TRIP4: variants seen among roughly 807,000 people sequenced by gnomAD.
The protein encoded by TRIP4 is thyroid hormone receptor interactor 4, also known as activating signal cointegrator 1.
TRIP4 carries 54 observed loss-of-function variants against 81.8 expected under a neutral mutation model. The observed-to-expected ratio is 0.66, with a 90% CI of 0.53 to 0.83. TRIP4 has a LOEUF of 0.83. TRIP4 is among the 40% of genes least tolerant of loss of function. The pLI is 0.00. For synonymous variants in TRIP4, 270 were observed against 242.8 expected, an observed-to-expected ratio of 1.11 and a Z score of -1.04; for missense variants, 662 against 683.6, an observed-to-expected ratio of 0.97 and a Z score of 0.35.
At chr15:64,414,018 G>A (rs1417261743) in intron 7 of TRIP4, 67 bp from the exon 8 acceptor site, 1 of 1,560,238 alleles carries the variant, frequency 6.4e-7, no homozygotes, top group Non-Finnish European at 8.7e-7. Flanking sequence ...AGCATTTTAT[G>A]TTGGTGGTAA....
intron 11 of TRIP4, among the ~76,000 whole-genome samples, chr15:64,426,956 T>A (rs765975123): frequency 6.6e-6 from 1 of 151,798 alleles, no homozygotes; most frequent in African/African-American, 2.4e-5. Context: ...GCCGAGATCA[T>A]GCCACTGCGC....
At chr15:64,392,491 G>A (rs756180832) in intron 1 of TRIP4, among the ~76,000 whole-genome samples, 35 of 152,164 alleles carry the variant, frequency 2.3e-4, no homozygotes, top group Admixed American at 4.6e-4. Flanking sequence ...TTTGGGGGGT[G>A]TGTGTATGTG....
Position 64,420,050 on chromosome 15 carries a change from G to A in TRIP4, c.1358+1322G>A, listed in dbSNP as rs527532089. ...AGGCTGGTCTTGAACTCCTAACATC[G>A]TGATTCGCCCACCTTGGCCTCCCAA... On this transcript the variant is annotated intron_variant, in intron 9 of 12. Coordinates refer to ENST00000261884, the MANE Select transcript of TRIP4 (RefSeq NM_016213.5). Among the ~76,000 whole-genome samples, 12 of 151,832 alleles carry A rather than the reference G, an allele frequency of 7.9e-5. No individual in the cohort carries two copies. In the South Asian group the frequency reaches 2.3e-3, roughly 29 times the overall value.
At chr15:64,452,047 A>G (rs1263820850) in intron 12 of TRIP4, among the ~76,000 whole-genome samples, 1 of 150,480 alleles carries the variant, frequency 6.6e-6, no homozygotes. Context: ...TGCAACCTCC[A>G]CCTCCTGGGC....
At chr15:64,388,473 AT>A (rs1225331567) in intron 1 of TRIP4, among the ~76,000 whole-genome samples, 1 of 152,026 alleles carries the variant, frequency 6.6e-6, no homozygotes, top group Non-Finnish European at 1.5e-5. Context: ...CACCCGGCTA[AT>A]TTTTAAAAAT....
chr15:64,442,387 G>C (rs1027020718), intron 11 of TRIP4, among the ~76,000 whole-genome samples: 3 of 152,036 alleles, frequency 2.0e-5, no homozygotes, highest in Admixed American at 6.6e-5. Flanking sequence ...GCTTTTCTTT[G>C]AGACAGGGTC....
intron 9 of TRIP4, among the ~76,000 whole-genome samples, chr15:64,422,041 A>G (rs1892030176): frequency 6.6e-6 from 1 of 152,028 alleles, no homozygotes; most frequent in Admixed American, 6.6e-5. Flanking sequence ...AAAAAAAAAA[A>G]AGAGCAAGAG....
At chr15:64,437,263 T>TAA (rs66524310) in intron 11 of TRIP4, among the ~76,000 whole-genome samples, 46 of 146,496 alleles carry the variant, frequency 3.1e-4, no homozygotes, top group Non-Finnish European at 4.1e-4. Context: ...TACTAAAGAT[T>TAA]AAAAAAAAAA....
At chr15:64,436,756 T>C (rs1256071460) in intron 11 of TRIP4, among the ~76,000 whole-genome samples, 5 of 131,700 alleles carry the variant, frequency 3.8e-5, no homozygotes, top group African/African-American at 1.4e-4. Context: ...TAGGTGACCA[T>C]CTATGCCTTT....
chr15:64,451,991 C>T (rs1291294341), intron 12 of TRIP4, among the ~76,000 whole-genome samples: 1 of 146,456 alleles, frequency 6.8e-6, no homozygotes, highest in Non-Finnish European at 1.5e-5. Flanking sequence ...ACAGGTCTCA[C>T]TCTGTTGCCC....
intron 9 of TRIP4, 52 bp downstream of exon 9, chr15:64,418,780 T>G: frequency 6.8e-7 from 1 of 1,479,286 alleles, no homozygotes; most frequent in Non-Finnish European, 9.0e-7. Context: ...TGACATAAAT[T>G]TAATTTAGAA....
In TRIP4 at chr15:64,414,128, C is replaced by A; in HGVS notation, c.1087C>A (p.Gln363Lys). The A allele has an allele frequency of 1.2e-6, 2 of 1,614,106 alleles. No individual in the cohort carries two copies. Among genetic ancestry groups the A allele is most frequent in the Middle Eastern group, 3.3e-4 (2 of 6,060 alleles). The change falls in exon 8 of 13, where the codon CAG (glutamine) becomes AAG (lysine). Residue 363 changes from glutamine to lysine, a missense_variant. By Grantham distance (53) the Gln-to-Lys change is moderately conservative (BLOSUM62 1). Coordinates refer to ENST00000261884, the MANE Select transcript of TRIP4 (RefSeq NM_016213.5). ...GGCCATTGCCAATGGAACCTTGAAC[C>A]AGCCACTGACCAAATTGGATAGATC... is the stretch of plus-strand genomic sequence containing the variant. ...IQAIANGTLN[Q>K]PLTKLDRSSE...
intron 10 of TRIP4, 46 bp downstream of exon 10, chr15:64,424,201 GTCATTGACGTTCATCT>G: frequency 1.9e-6 from 3 of 1,606,722 alleles, no homozygotes; most frequent in Non-Finnish European, 2.6e-6. Flanking sequence ...ATGGAGAGAA[GTCATTGACGTTCATCT>G]TCTTTCACTT....
At chr15:64,445,210 T>G in intron 12 of TRIP4, 102 bp downstream of exon 12, 1 of 590,442 alleles carries the variant, frequency 1.7e-6, no homozygotes, top group South Asian at 2.3e-5. Context: ...CTGTGAACAA[T>G]CAGTTGAGGT....
In TRIP4 at chr15:64,397,532, C is replaced by T. The variant is rs557502205; in HGVS notation, c.406-74C>T. 3.8e-5 allele frequency: 55 copies of T among 1,449,498 alleles called. No homozygotes were observed. The Admixed American group carries it at 4.2e-4, about 11-fold the overall frequency. The allele number at this position is 1,449,498 out of a possible 1,614,324, so 89.8% of individuals were successfully genotyped here. A position where few individuals can be genotyped will look rare whatever the true frequency, so the allele number is the denominator to read the frequency against. The stretch of plus-strand genomic sequence containing the variant: ...GTATATAAGTTGTTACTGAACAGAA[C>T]GGAGCATTTTCTCCCTTGACTTTTT... On this transcript the variant is annotated intron_variant, in intron 3 of 12. Transcript: ENST00000261884.
intron 5 of TRIP4, among the ~76,000 whole-genome samples, chr15:64,403,230 G>A (rs1394889869): frequency 6.6e-6 from 1 of 151,790 alleles, no homozygotes; most frequent in Non-Finnish European, 1.5e-5. Flanking sequence ...AATCTTGGCT[G>A]ACTGCAACCT....
chr15:64,421,367 C>T (rs1372758700), intron 9 of TRIP4, among the ~76,000 whole-genome samples: 3 of 149,934 alleles, frequency 2.0e-5, no homozygotes, highest in East Asian at 2.0e-4. Context: ...GACAGGATCT[C>T]GCTCTGTTGC....
chr15:64,388,981 G>T (rs1234488618), intron 1 of TRIP4, among the ~76,000 whole-genome samples: 1 of 152,154 alleles, frequency 6.6e-6, no homozygotes, highest in African/African-American at 2.4e-5. Flanking sequence ...AAGACAGTTG[G>T]GTTCCCCTTC....
chr15:64,438,216 T>C (rs999402549), intron 11 of TRIP4, among the ~76,000 whole-genome samples: 1 of 152,176 alleles, frequency 6.6e-6, no homozygotes, highest in African/African-American at 2.4e-5. Context: ...GAAAATAAAA[T>C]CTAAAATTGG....
Sources: allele counts gnomAD v4.1 joint callset (sites outside exome capture counted in the v4.1 genomes callset), GRCh38; gene constraint gnomAD v4.1.1; transcripts MANE v1.5; gene names NCBI Gene and HGNC (gene_info 2026-07-23, HGNC 2026-07-21).